The following TNFSF4 variants were observed in gnomAD, a reference collection of about 807,000 sequenced individuals.
The protein encoded by TNFSF4 is tumor necrosis factor ligand superfamily member 4.
TNFSF4 carries 4 observed loss-of-function variants against 7.3 expected under a neutral mutation model. That is an observed-to-expected ratio of 0.55 (90% CI 0.27 to 1.25). The LOEUF is 1.25. TNFSF4 is among the 50% of genes most tolerant of loss of function. The pLI is 0.12. For synonymous variants in TNFSF4, 76 were observed against 83.7 expected, an observed-to-expected ratio of 0.91 and a Z score of 0.50; for missense variants, 181 against 208.8, an observed-to-expected ratio of 0.87 and a Z score of 0.82.
At chr1:173,383,095 C>A in the TNFSF4 span, among the ~76,000 whole-genome samples, 1 of 152,162 alleles carries the variant, frequency 6.6e-6, no homozygotes, top group East Asian at 1.9e-4. Flanking sequence ...GAAATCTTGT[C>A]ATTCCAAGTA....
the TNFSF4 span, among the ~76,000 whole-genome samples, chr1:173,291,221 G>A: frequency 6.6e-6 from 1 of 152,116 alleles, no homozygotes; most frequent in Non-Finnish European, 1.5e-5. Flanking sequence ...GTGCGGATGG[G>A]AGGAGGCGCC....
At chr1:173,266,478 C>A in the TNFSF4 span, among the ~76,000 whole-genome samples, 2 of 152,016 alleles carry the variant, frequency 1.3e-5, no homozygotes, top group Non-Finnish European at 2.9e-5. Flanking sequence ...TGAATCAGCC[C>A]CCAACAAATT....
At chr1:173,357,781 C>T in the TNFSF4 span, among the ~76,000 whole-genome samples, 9 of 152,206 alleles carry the variant, frequency 5.9e-5, no homozygotes, top group Non-Finnish European at 1.3e-4. Context: ...GTGATCTGCC[C>T]GCCTCAGCCT....
the TNFSF4 span, among the ~76,000 whole-genome samples, chr1:173,389,093 A>G: frequency 2.3e-4 from 35 of 152,324 alleles, no homozygotes; most frequent in African/African-American, 7.7e-4. Context: ...TATTAGGTAC[A>G]CTAACTGAGA....
chr1:173,268,830 A>G, the TNFSF4 span, among the ~76,000 whole-genome samples: 1 of 152,186 alleles, frequency 6.6e-6, no homozygotes, highest in Non-Finnish European at 1.5e-5. Flanking sequence ...AAATGACTAT[A>G]CTACTATCAG....
the TNFSF4 span, among the ~76,000 whole-genome samples, chr1:173,331,504 T>G: frequency 6.6e-6 from 1 of 152,164 alleles, no homozygotes. Context: ...TACTTTCCTT[T>G]CAAAAGGACT....
chr1:173,220,179 T>A, the TNFSF4 span, among the ~76,000 whole-genome samples: 4 of 151,940 alleles, frequency 2.6e-5, no homozygotes, highest in Admixed American at 2.6e-4. Context: ...GAAAATAAAG[T>A]TTTTTTTAAA....
At chr1:173,449,463 C>T in the TNFSF4 span, among the ~76,000 whole-genome samples, 4 of 151,898 alleles carry the variant, frequency 2.6e-5, no homozygotes, top group African/African-American at 7.3e-5. Flanking sequence ...AAAGAATCCT[C>T]CCACCTTAGT....
At chr1:173,241,747 G>T in the TNFSF4 span, among the ~76,000 whole-genome samples, 1 of 152,240 alleles carries the variant, frequency 6.6e-6, no homozygotes, top group South Asian at 2.1e-4. Flanking sequence ...GGCAGGCTTA[G>T]AAGTGACAAG....
the TNFSF4 span, among the ~76,000 whole-genome samples, chr1:173,361,813 T>TA: frequency 2.0e-5 from 3 of 152,178 alleles, no homozygotes; most frequent in Non-Finnish European, 4.4e-5. Flanking sequence ...AAAGCACATA[T>TA]AATTTCAGGA....
At chr1:173,188,038 A>G (rs1480748597) in intron 2 of TNFSF4, among the ~76,000 whole-genome samples, 1 of 152,212 alleles carries the variant, frequency 6.6e-6, no homozygotes, top group Non-Finnish European at 1.5e-5. Flanking sequence ...TGTGGAAACC[A>G]CTAGGGGTTG....
chr1:173,390,382 C>T, the TNFSF4 span, among the ~76,000 whole-genome samples: 3 of 152,156 alleles, frequency 2.0e-5, no homozygotes, highest in Admixed American at 2.0e-4. Context: ...AGACCTACAA[C>T]CTTTCCAAGT....
At chr1:173,218,478 A>G in the TNFSF4 span, among the ~76,000 whole-genome samples, 6 of 152,134 alleles carry the variant, frequency 3.9e-5, no homozygotes, top group Non-Finnish European at 8.8e-5. Flanking sequence ...GTGCCCATCA[A>G]TGAAAAAATT....
At chr1:173,193,671 C>T (rs755459603) in intron 1 of TNFSF4, among the ~76,000 whole-genome samples, 1 of 151,034 alleles carries the variant, frequency 6.6e-6, no homozygotes, top group Admixed American at 6.6e-5. Context: ...AAGAAGTTGC[C>T]GTACAGATGA....
the TNFSF4 span, among the ~76,000 whole-genome samples, chr1:173,449,420 C>A: frequency 6.6e-6 from 1 of 151,390 alleles, no homozygotes; most frequent in African/African-American, 2.4e-5. Context: ...GTGGCACAAT[C>A]TCAGCTCATT....
At chr1:173,342,799 C>A in the TNFSF4 span, among the ~76,000 whole-genome samples, 1 of 152,318 alleles carries the variant, frequency 6.6e-6, no homozygotes, top group Non-Finnish European at 1.5e-5. Context: ...TGCAGAAGAG[C>A]CTTGTGTCTT....
the TNFSF4 span, among the ~76,000 whole-genome samples, chr1:173,349,062 T>G: frequency 6.6e-6 from 1 of 152,122 alleles, no homozygotes; most frequent in Non-Finnish European, 1.5e-5. Flanking sequence ...GGAGTCTCCC[T>G]CTCTCTCCCA....
the TNFSF4 span, among the ~76,000 whole-genome samples, chr1:173,173,486 A>T: frequency 1.3e-5 from 2 of 152,226 alleles, no homozygotes; most frequent in African/African-American, 4.8e-5. Flanking sequence ...TAATAGGGCA[A>T]ATTATTAATT....
chr1:173,337,294 A>G, the TNFSF4 span, among the ~76,000 whole-genome samples: 1 of 152,136 alleles, frequency 6.6e-6, no homozygotes, highest in Non-Finnish European at 1.5e-5. Context: ...CCACCAAGTT[A>G]CCATGAAATC....
Sources: allele counts gnomAD v4.1 joint callset (sites outside exome capture counted in the v4.1 genomes callset), GRCh38; gene constraint gnomAD v4.1.1; transcripts MANE v1.5; gene names NCBI Gene and HGNC (gene_info 2026-07-23, HGNC 2026-07-21).